The following AXDND1 variants were observed in gnomAD, a reference collection of about 807,000 sequenced individuals.
The protein encoded by AXDND1 is axonemal dynein light chain domain containing 1.
A neutral mutation model predicts 137.5 loss-of-function variants in AXDND1; 110 were observed. The ratio of observed to expected loss-of-function variants is 0.80; its 90% confidence interval spans 0.69 to 0.94. The LOEUF (loss-of-function observed/expected upper bound fraction) is 0.94, where lower values mean the gene tolerates loss of function less well. Ranked by LOEUF, AXDND1 falls within the 40% of genes least tolerant of loss-of-function variation. AXDND1 has a pLI of 0.00. For missense variants in AXDND1, 1,191 were observed against 1,169.8 expected, an observed-to-expected ratio of 1.02 and a Z score of -0.26; for synonymous variants, 414 against 399.7, an observed-to-expected ratio of 1.04 and a Z score of -0.43.
chr1:179,448,972 A>G (rs1660130480), intron 16 of AXDND1: 1 of 294,298 alleles, frequency 3.4e-6, no homozygotes, highest in South Asian at 2.6e-5. Flanking sequence ...TTGCAGTCTC[A>G]GCCTCCTGGG....
At chr1:179,480,100 C>T (rs572324558) in intron 17 of AXDND1, among the ~76,000 whole-genome samples, 89 of 152,326 alleles carry the variant, frequency 5.8e-4, no homozygotes, top group African/African-American at 2.1e-3. Flanking sequence ...CTGCCTGTTA[C>T]CCAGTTCCAA....
chr1:179,400,986 C>A (rs61821540), intron 11 of AXDND1, among the ~76,000 whole-genome samples: 16,962 of 144,454 alleles, frequency 0.12, 1,133 homozygotes, highest in East Asian at 0.35. Flanking sequence ...CGGCCAGGTG[C>A]GGTGGCTCAC....
intron 16 of AXDND1, among the ~76,000 whole-genome samples, chr1:179,463,654 A>G (rs10913779): frequency 0.54 from 82,287 of 151,984 alleles, 22,495 homozygotes; most frequent in African/African-American, 0.61. Flanking sequence ...GCAGAGCTGA[A>G]TTCAATTCCT....
rs563546198 is a variant in AXDND1 at position 179,389,248 on chromosome 1, C to A, written c.863+3889C>A. ...TCAGCCCCACAAAGTGCTGGGACTA[C>A]AGGTGTGAGCCACCATGCCCAGCCC... On this transcript the variant is annotated intron_variant, in intron 9 of 25. Coordinates refer to ENST00000367618, the MANE Select transcript of AXDND1 (RefSeq NM_144696.6). Among the ~76,000 whole-genome samples, 10 of 152,308 alleles carry A rather than the reference C, an allele frequency of 6.6e-5. 1 individual carries two copies. The South Asian group carries it at 2.1e-3, about 32-fold the overall frequency.
At chr1:179,393,871 A>G in intron 9 of AXDND1, 32 bp from the exon 10 acceptor site, 1 of 1,562,800 alleles carries the variant, frequency 6.4e-7, no homozygotes, top group Non-Finnish European at 8.6e-7. Flanking sequence ...CATTTATCAG[A>G]TCTAGGAGCT....
Position 179,534,724 on chromosome 1 carries a change from T to C in AXDND1, c.2799-6T>C, listed in dbSNP as rs762821672. The C allele has an allele frequency of 3.2e-6, 5 of 1,572,052 alleles. No individual in the cohort carries two copies. In the East Asian group the frequency reaches 1.1e-4, roughly 35 times the overall value. On this transcript the variant is annotated splice_region_variant and splice_polypyrimidine_tract_variant and intron_variant, in intron 24 of 25. Coordinates refer to ENST00000367618, the MANE Select transcript of AXDND1 (RefSeq NM_144696.6). Reference sequence around the variant, plus strand: ...CTATTTTGTTGTGTCTTCTCTTCCATATCAGGGAGGTTGAAAATAGAGCCA... The same window carrying C: ...CTATTTTGTTGTGTCTTCTCTTCCACATCAGGGAGGTTGAAAATAGAGCCA...
chr1:179,534,566 C>A, intron 24 of AXDND1, 164 bp from the exon 25 acceptor site: 1 of 786,802 alleles, frequency 1.3e-6, no homozygotes, highest in Non-Finnish European at 1.9e-6. Context: ...CAGAGTCGCT[C>A]CTGGGCCCCC....
chr1:179,488,634 C>CTTTTCTTTCTTTCTTTCTTTCTCTTT lies in AXDND1; in HGVS notation c.2092-2904_2092-2903insTTTTCTTTCTTTCTTTCTTTCTCTTT, dbSNP rs376189496. On this transcript the variant is annotated intron_variant, in intron 18 of 25. Transcript: ENST00000367618. The stretch of plus-strand genomic sequence containing the variant: ...TTTCTTTCTTTCTCTCTCTCTCTCT[C>CTTTTCTTTCTTTCTTTCTTTCTCTTT]CTTTCTTTCTTTCTTTCTTTCTTTC... Among the ~76,000 whole-genome samples, 52 of 105,244 alleles carry CTTTTCTTTCTTTCTTTCTTTCTCTTT rather than the reference C, an allele frequency of 4.9e-4. 6 individuals carry two copies. The highest frequency in any genetic ancestry group is 1.5e-3 in the African/African-American group (38 of 25,652). The allele number at this position is 105,244 out of a possible 152,430, so 69.0% of individuals were successfully genotyped here.
At chr1:179,405,254 A>G (rs1313633479) in intron 11 of AXDND1, among the ~76,000 whole-genome samples, 1 of 152,144 alleles carries the variant, frequency 6.6e-6, no homozygotes, top group African/African-American at 2.4e-5. Flanking sequence ...ACATGAACTC[A>G]TCCTTTTTAT....
chr1:179,497,896 A>C (rs1047467498), intron 20 of AXDND1, among the ~76,000 whole-genome samples: 1 of 152,144 alleles, frequency 6.6e-6, no homozygotes, highest in Admixed American at 6.6e-5. Flanking sequence ...TCGAGAATAC[A>C]ATTCCACTTA....
At chr1:179,515,342 G>C (rs559906427) in intron 21 of AXDND1, among the ~76,000 whole-genome samples, 1 of 152,014 alleles carries the variant, frequency 6.6e-6, no homozygotes, top group Non-Finnish European at 1.5e-5. Context: ...GCTTAGTTTC[G>C]CTGGATACAA....
intron 11 of AXDND1, among the ~76,000 whole-genome samples, chr1:179,399,487 T>C (rs12755876): frequency 0.29 from 44,338 of 151,468 alleles, 6,670 homozygotes; most frequent in Non-Finnish European, 0.31. Context: ...AGACATAACA[T>C]TGGAAAACCC....
chr1:179,426,691 T>C lies in AXDND1; in HGVS notation c.1231-2827T>C, dbSNP rs1656617514. Among the ~76,000 whole-genome samples, 4 of 152,154 alleles carry C rather than the reference T, an allele frequency of 2.6e-5. 1 individual carries two copies. In the South Asian group the frequency reaches 8.3e-4, roughly 32 times the overall value. On this transcript the variant is annotated intron_variant, in intron 12 of 25. Transcript: ENST00000367618. ...CAAAAATATTGAAATAATCTAAATATCCACCAGAAGGGAAATTATAGTTAT... is the reference window on the plus strand; with the variant it reads ...CAAAAATATTGAAATAATCTAAATACCCACCAGAAGGGAAATTATAGTTAT...
intron 11 of AXDND1, among the ~76,000 whole-genome samples, chr1:179,403,954 C>G (rs4652376): frequency 6.6e-6 from 1 of 151,504 alleles, no homozygotes; most frequent in East Asian, 1.9e-4. Flanking sequence ...ACAGTAATAC[C>G]GTATGTACTG....
At chr1:179,414,435 A>ATTTATTTTTTTT (rs1032149429) in intron 12 of AXDND1, among the ~76,000 whole-genome samples, 8 of 132,906 alleles carry the variant, frequency 6.0e-5, no homozygotes, top group African/African-American at 2.2e-4. Flanking sequence ...TTATTTATTT[A>ATTTATTTTTTTT]TTTTTTTGAG....
chr1:179,489,914 T>C (rs926850693), intron 18 of AXDND1, among the ~76,000 whole-genome samples: 1 of 152,016 alleles, frequency 6.6e-6, no homozygotes, highest in Non-Finnish European at 1.5e-5. Context: ...CCGACTAATT[T>C]TTTGTATTTT....
At position 179,534,804 on chromosome 1, in the gene AXDND1, T is replaced by C; in HGVS notation, c.2873T>C (p.Ile958Thr). Reference protein sequence around the residue: ...DAYEKLHHTLIKNKDLEELVM... With the variant: ...DAYEKLHHTLTKNKDLEELVM... ...TATGAGAAACTTCATCATACCCTTA[T>C]AAAAAATAAAGATCTAGAGGAATTA... Residue 958 changes from isoleucine (I) to threonine (T), a missense_variant, in exon 25 of 26, where the codon ATA (isoleucine) becomes ACA (threonine). Ile to Thr is a moderately conservative substitution (Grantham distance 89, BLOSUM62 -1). Transcript: ENST00000367618. 2 of 1,606,196 alleles carry C rather than the reference T, an allele frequency of 1.2e-6. No homozygotes were observed. Among genetic ancestry groups the C allele is most frequent in the Non-Finnish European group, 8.5e-7 (1 of 1,178,310 alleles).
chr1:179,464,610 G>A (rs1050728846), intron 16 of AXDND1, among the ~76,000 whole-genome samples: 1 of 151,916 alleles, frequency 6.6e-6, no homozygotes, highest in African/African-American at 2.4e-5. Context: ...TGCTCTTCTC[G>A]AGGAGTATCT....
rs1212845389 is a variant in AXDND1, at chr1:179,502,640, A to G, written c.2389-6656A>G. Reference sequence around the variant, plus strand: ...TAACAAGAATGAGGGAGCAACAGGTACTTCTATACTGCTGGTAAGAATATA... The same window carrying G: ...TAACAAGAATGAGGGAGCAACAGGTGCTTCTATACTGCTGGTAAGAATATA... On this transcript the variant is annotated intron_variant, in intron 20 of 25. Coordinates refer to ENST00000367618, the MANE Select transcript of AXDND1 (RefSeq NM_144696.6). 2.0e-5 allele frequency among the ~76,000 whole-genome samples: 3 copies of G among 151,746 alleles called. No homozygotes were observed. The East Asian group carries it at 5.8e-4, about 29-fold the overall frequency.
Sources: gnomAD v4.1 joint callset for allele counts (sites outside exome capture counted in the v4.1 genomes callset) on GRCh38, gnomAD v4.1.1 for gene constraint, MANE v1.5 for transcripts, NCBI Gene and HGNC (gene_info 2026-07-23, HGNC 2026-07-21) for gene names.